The following IL27 variants were observed in gnomAD, a reference collection of about 807,000 sequenced individuals.
IL27 encodes the protein interleukin 27.
IL27 carries 11 observed loss-of-function variants against 27.0 expected under a neutral mutation model. The ratio of observed to expected loss-of-function variants is 0.41; its 90% confidence interval spans 0.26 to 0.67. The LOEUF (loss-of-function observed/expected upper bound fraction) is 0.67, where lower values mean the gene tolerates loss of function less well. Ranked by LOEUF, IL27 falls within the 30% of genes least tolerant of loss-of-function variation. The pLI is 0.34. For synonymous variants in IL27, 134 were observed against 140.6 expected (o/e 0.95, Z 0.33); for missense variants, 299 against 310.4 (o/e 0.96, Z 0.28).
intron 1 of IL27, 43 bp downstream of exon 1, chr16:28,506,738 G>T: frequency 6.2e-7 from 1 of 1,601,158 alleles, no homozygotes; most frequent in Non-Finnish European, 8.5e-7. Context: ...TCCATTCTCT[G>T]CCCAAACTCA....
intron 4 of IL27, among the ~76,000 whole-genome samples, chr16:28,500,236 G>C (rs898210698): frequency 1.3e-5 from 2 of 152,154 alleles, no homozygotes; most frequent in Admixed American, 6.6e-5. Context: ...TCAGCAACAG[G>C]CAGAGGGTGA....
chr16:28,501,192 A>C (rs1320961825), intron 4 of IL27, among the ~76,000 whole-genome samples: 1 of 149,378 alleles, frequency 6.7e-6, no homozygotes, highest in Admixed American at 6.7e-5. Context: ...TAGTCTCAGA[A>C]AAAAAAAAAA....
intron 4 of IL27, among the ~76,000 whole-genome samples, chr16:28,501,719 TCTCA>T (rs2046431798): frequency 7.2e-6 from 1 of 139,214 alleles, no homozygotes; most frequent in Non-Finnish European, 1.5e-5. Flanking sequence ...TCCCACACAC[TCTCA>T]CACTCACAGA....
intron 3 of IL27, among the ~76,000 whole-genome samples, chr16:28,502,635 AC>A (rs2046439151): frequency 6.6e-6 from 1 of 151,480 alleles, no homozygotes; most frequent in Non-Finnish European, 1.5e-5. Context: ...CCCATGCTTA[AC>A]GTTCACCCTC....
intron 4 of IL27, 105 bp downstream of exon 4, chr16:28,501,867 ACACT>A (rs754852187): frequency 6.4e-5 from 84 of 1,306,516 alleles, no homozygotes; most frequent in South Asian, 1.6e-4. Flanking sequence ...ACACTCAGTC[ACACT>A]CACACTCTCA....
rs939263844 is a variant in IL27 at position 28,501,984 on chromosome 16, G to T, written c.454C>A (p.Arg152Ser). 1 of 1,605,066 alleles carries T rather than the reference G, an allele frequency of 6.2e-7. No individual in the cohort carries two copies. Among genetic ancestry groups the T allele is most frequent in the South Asian group, 1.1e-5 (1 of 90,944 alleles). Residue 152 changes from arginine to serine, a missense_variant, in exon 4 of 5, where the codon CGC becomes AGC. By Grantham distance (110) the Arg-to-Ser change is moderately radical. Transcript: ENST00000356897. ...GGGTGGCCGGGCTCTACCTGGAAGC[G>T]GAGGTGCCGCTGCAGATCGCGGAGG... is the stretch of plus-strand genomic sequence containing the variant. The part of the protein sequence containing the change: ...LDLRDLQRHL[R>S]FQVLAAGFNL...
At chr16:28,506,649 C>T in intron 1 of IL27, 132 bp downstream of exon 1, 1 of 904,976 alleles carries the variant, frequency 1.1e-6, no homozygotes, top group Admixed American at 2.4e-5. Context: ...CCTTCCCATG[C>T]AGCAGCCAGC....
chr16:28,504,254 G>A (rs2046449398), intron 1 of IL27, among the ~76,000 whole-genome samples: 1 of 152,198 alleles, frequency 6.6e-6, no homozygotes. Context: ...GAGGCGGGCG[G>A]ATCACCTGAG....
chr16:28,502,514 C>T (rs1440566698), intron 3 of IL27, among the ~76,000 whole-genome samples: 3 of 151,934 alleles, frequency 2.0e-5, no homozygotes, highest in Admixed American at 6.6e-5. Context: ...CAACTCCATC[C>T]TTCCTCCATG....
chr16:28,500,417 GACGCGCACCACC>G (rs2046423731), intron 4 of IL27, among the ~76,000 whole-genome samples: 1 of 152,086 alleles, frequency 6.6e-6, no homozygotes, highest in African/African-American at 2.4e-5. Context: ...TGGGACTACA[GACGCGCACCACC>G]ACGCCCGACT....
chr16:28,500,046 A>G, intron 4 of IL27, 126 bp from the exon 5 acceptor site: 3 of 1,273,928 alleles, frequency 2.4e-6, no homozygotes, highest in Middle Eastern at 1.9e-4. Context: ...TTCCCCGGAC[A>G]TTCCCTGCTT....
intron 3 of IL27, among the ~76,000 whole-genome samples, chr16:28,502,342 C>G (rs1018104579): frequency 2.6e-5 from 4 of 151,934 alleles, no homozygotes; most frequent in Non-Finnish European, 4.4e-5. Context: ...TTTCCAGCCT[C>G]CCTTTCACTC....
chr16:28,503,847 C>A, intron 2 of IL27, 31 bp downstream of exon 2: 1 of 1,613,384 alleles, frequency 6.2e-7, no homozygotes, highest in Non-Finnish European at 8.5e-7. Context: ...GTCTGCCCAT[C>A]TCCAGCGCCA....
chr16:28,500,952 C>A (rs2046425662), intron 4 of IL27, among the ~76,000 whole-genome samples: 1 of 152,188 alleles, frequency 6.6e-6, no homozygotes, highest in Admixed American at 6.5e-5. Flanking sequence ...GTAATCCCAG[C>A]ACTTTGGGAA....
Position 28,503,760 on chromosome 16 carries a change from G to T in IL27, c.238C>A (p.Leu80Ile). The T allele has an allele frequency of 6.2e-7, 1 of 1,613,854 alleles. No homozygotes were observed. The highest frequency in any genetic ancestry group is 8.5e-7 in the Non-Finnish European group (1 of 1,179,858). Residue 80 changes from leucine (L) to isoleucine (I), a missense_variant, in exon 3 of 5, where the codon CTC becomes ATC. Transcript: ENST00000356897. ...GGGAGCTGCTCTCCCAGGGGCAGGA[G>T]GTACAGGTTCACTCCTGGCAGGTGA... Reference protein sequence around the residue: ...ESHLPGVNLYLLPLGEQLPDV... With the variant: ...ESHLPGVNLYILPLGEQLPDV...
intron 1 of IL27, among the ~76,000 whole-genome samples, chr16:28,504,971 G>A (rs2046453478): frequency 6.6e-6 from 1 of 152,218 alleles, no homozygotes; most frequent in African/African-American, 2.4e-5. Context: ...CAGCCTCAGT[G>A]CTATTGTTCT....
At chr16:28,502,262 C>T (rs1369135183) in intron 3 of IL27, 128 bp from the exon 4 acceptor site, 17 of 818,116 alleles carry the variant, frequency 2.1e-5, no homozygotes, top group Non-Finnish European at 3.0e-5. Flanking sequence ...TGTAGCTCTT[C>T]CCCCACCTCA....
chr16:28,502,669 C>T (rs2046439432), intron 3 of IL27, among the ~76,000 whole-genome samples: 1 of 152,098 alleles, frequency 6.6e-6, no homozygotes, highest in Non-Finnish European at 1.5e-5. Flanking sequence ...TCATCTCTAA[C>T]TATCCGCATT....
intron 1 of IL27, among the ~76,000 whole-genome samples, chr16:28,506,445 T>C (rs1214395896): frequency 1.3e-5 from 2 of 152,174 alleles, no homozygotes; most frequent in African/African-American, 2.4e-5. Flanking sequence ...CCATTCTCAG[T>C]CTTAGCCAAG....
Sources: allele counts gnomAD v4.1 joint callset (sites outside exome capture counted in the v4.1 genomes callset), GRCh38; gene constraint gnomAD v4.1.1; transcripts MANE v1.5; gene names NCBI Gene and HGNC (gene_info 2026-07-23, HGNC 2026-07-21).